HORMAD2: variants seen among roughly 807,000 people sequenced by gnomAD.
HORMAD2 encodes the protein HORMA domain-containing protein 2.
HORMAD2 carries 45 observed loss-of-function variants against 38.8 expected under a neutral mutation model. The ratio of observed to expected loss-of-function variants is 1.16; its 90% CI spans 0.91 to 1.49. The LOEUF (loss-of-function observed/expected upper bound fraction) is 1.49, where lower values mean the gene tolerates loss of function less well. Ranked by LOEUF, HORMAD2 falls within the 40% of genes most tolerant of loss-of-function variation. The probability of loss-of-function intolerance (pLI) is 0.00; values close to 1 mark genes in which losing one functional copy is unlikely to be tolerated. For missense variants in HORMAD2, 338 were observed against 367.0 expected, an observed-to-expected ratio of 0.92 and a Z score of 0.65; for synonymous variants, 126 against 122.8, an observed-to-expected ratio of 1.03 and a Z score of -0.17.
intron 1 of HORMAD2, among the ~76,000 whole-genome samples, chr22:30,089,955 T>A (rs1296612813): frequency 6.6e-6 from 1 of 152,218 alleles, no homozygotes; most frequent in Non-Finnish European, 1.5e-5. Context: ...TGTAGGTACC[T>A]CATATAAGTG....
At chr22:30,176,000 A>G in intron 10 of HORMAD2, 63 bp from the exon 11 acceptor site, 1 of 1,044,770 alleles carries the variant, frequency 9.6e-7, no homozygotes, top group Non-Finnish European at 1.5e-6. Flanking sequence ...CCTGTCTTAT[A>G]TATGTCTTGT....
Position 30,082,643 on chromosome 22 carries a change from A to G in HORMAD2, c.-38+2152A>G, listed in dbSNP as rs545481369. ...TCTACAAAAATAAAAAATTTTTAAA[A>G]ATTAGCAGGGCATGGTGGTGCATGC... On this transcript the variant is annotated intron_variant, in intron 1 of 10. Coordinates refer to ENST00000336726, the MANE Select transcript of HORMAD2 (RefSeq NM_152510.4). Among the ~76,000 whole-genome samples the G allele has an allele frequency of 5.3e-5, 8 of 152,096 alleles. No homozygotes were observed. The South Asian group carries it at 1.5e-3, about 28-fold the overall frequency.
Position 30,117,417 on chromosome 22 carries a change from T to A in HORMAD2, c.343-1563T>A, listed in dbSNP as rs963474068. On this transcript the variant is annotated intron_variant, in intron 7 of 10. Coordinates refer to ENST00000336726, the MANE Select transcript of HORMAD2 (RefSeq NM_152510.4). ...CCAAACATTTGCTTCAACTACTAGA[T>A]GTTTATTTTATTTATTTATTTTTAA... Among the ~76,000 whole-genome samples, 3 of 152,160 alleles carry A rather than the reference T, an allele frequency of 2.0e-5. No homozygotes were observed. In the East Asian group the frequency reaches 5.8e-4, roughly 29 times the overall value.
At chr22:30,144,302 G>A (rs192822286) in intron 10 of HORMAD2, among the ~76,000 whole-genome samples, 1 of 152,310 alleles carries the variant, frequency 6.6e-6, no homozygotes, top group African/African-American at 2.4e-5. Context: ...CTGACCACAG[G>A]AGGACTTCTC....
chr22:30,153,644 TTC>T (rs1924891906), intron 10 of HORMAD2, among the ~76,000 whole-genome samples: 1 of 152,218 alleles, frequency 6.6e-6, no homozygotes, highest in Non-Finnish European at 1.5e-5. Context: ...CTGCTTTCTG[TTC>T]TCTTTAACCC....
At chr22:30,191,341 G>T in the HORMAD2 span, among the ~76,000 whole-genome samples, 1 of 152,158 alleles carries the variant, frequency 6.6e-6, no homozygotes, top group Non-Finnish European at 1.5e-5. Context: ...TGATAGGAAA[G>T]AAAGTTTCTC....
chr22:30,153,553 G>A (rs998632642), intron 10 of HORMAD2, among the ~76,000 whole-genome samples: 4 of 152,056 alleles, frequency 2.6e-5, no homozygotes, highest in Admixed American at 2.6e-4. Flanking sequence ...ATTTTCTCTT[G>A]TCCAGAATGC....
intron 1 of HORMAD2, among the ~76,000 whole-genome samples, chr22:30,091,199 T>C (rs2068674940): frequency 6.6e-6 from 1 of 152,082 alleles, no homozygotes; most frequent in Non-Finnish European, 1.5e-5. Context: ...ATTGTGTATA[T>C]ATATCCTTTC....
chr22:30,128,569 A>AT (rs931477722), intron 10 of HORMAD2, among the ~76,000 whole-genome samples: 5 of 152,186 alleles, frequency 3.3e-5, no homozygotes, highest in Non-Finnish European at 5.9e-5. Context: ...CATTTAAAAA[A>AT]TTTTTCTACG....
intron 1 of HORMAD2, among the ~76,000 whole-genome samples, chr22:30,093,133 G>A (rs920936312): frequency 2.0e-5 from 3 of 152,120 alleles, no homozygotes; most frequent in Admixed American, 6.6e-5. Context: ...AATACGGGAT[G>A]CCTTTCCATC....
intron 10 of HORMAD2, among the ~76,000 whole-genome samples, chr22:30,161,299 C>T (rs974051789): frequency 1.3e-5 from 2 of 152,190 alleles, no homozygotes; most frequent in Non-Finnish European, 2.9e-5. Context: ...TTCCTCTCAA[C>T]ACCTGCTAAA....
At chr22:30,162,617 G>A (rs1044617430) in intron 10 of HORMAD2, among the ~76,000 whole-genome samples, 3 of 151,280 alleles carry the variant, frequency 2.0e-5, no homozygotes, top group Non-Finnish European at 4.4e-5. Context: ...AAATTATTTG[G>A]TGTGTAATTG....
chr22:30,080,990 C>T (rs561847965), intron 1 of HORMAD2: 1 of 152,662 alleles, frequency 6.6e-6, no homozygotes, highest in East Asian at 1.9e-4. Context: ...CCCCGCCCCC[C>T]TTGACCTCAG....
Position 30,108,644 on chromosome 22 carries a change from T to G in HORMAD2, c.295-3152T>G, listed in dbSNP as rs1469640994. On this transcript the variant is annotated intron_variant, in intron 5 of 10. Coordinates refer to ENST00000336726, the MANE Select transcript of HORMAD2 (RefSeq NM_152510.4). Reference sequence around the variant, plus strand: ...TGTTCTCATAGCATCCCATGCTGCTTCTTCATAGCAATGAACACAATGTTA... The same window carrying G: ...TGTTCTCATAGCATCCCATGCTGCTGCTTCATAGCAATGAACACAATGTTA... Among the ~76,000 whole-genome samples the G allele has an allele frequency of 2.0e-5, 3 of 152,186 alleles. 1 individual carries two copies. Among genetic ancestry groups the G allele is most frequent in the Non-Finnish European group, 4.4e-5 (3 of 68,038 alleles).
intron 10 of HORMAD2, among the ~76,000 whole-genome samples, chr22:30,123,666 TTTA>T (rs1301793872): frequency 6.6e-6 from 1 of 150,746 alleles, no homozygotes; most frequent in African/African-American, 2.5e-5. Flanking sequence ...TATTTATTTA[TTTA>T]TTTATTTATT....
At chr22:30,187,287 G>C in the HORMAD2 span, among the ~76,000 whole-genome samples, 1 of 152,080 alleles carries the variant, frequency 6.6e-6, no homozygotes, top group Admixed American at 6.6e-5. Context: ...TTACAGATAT[G>C]GAAACTGAGG....
the HORMAD2 span, among the ~76,000 whole-genome samples, chr22:30,205,430 G>A: frequency 6.6e-6 from 1 of 152,142 alleles, no homozygotes; most frequent in South Asian, 2.1e-4. Flanking sequence ...CAGCTACCTC[G>A]TTTCGCAGAC....
chr22:30,087,308 C>T (rs2068587319), intron 1 of HORMAD2, among the ~76,000 whole-genome samples: 1 of 152,140 alleles, frequency 6.6e-6, no homozygotes. Context: ...GAAAATAATT[C>T]ACATTCAAAT....
intron 10 of HORMAD2, among the ~76,000 whole-genome samples, chr22:30,148,215 A>G (rs1365698216): frequency 6.6e-6 from 1 of 152,238 alleles, no homozygotes; most frequent in Non-Finnish European, 1.5e-5. Context: ...TTAAAAGTCA[A>G]AAAATTCAGA....
Sources: allele counts gnomAD v4.1 joint callset (sites outside exome capture counted in the v4.1 genomes callset), GRCh38; gene constraint gnomAD v4.1.1; transcripts MANE v1.5; gene names NCBI Gene and HGNC (gene_info 2026-07-23, HGNC 2026-07-21).